Variants in GIGYF2 observed in about 807,000 individuals in gnomAD.
GIGYF2 encodes the protein GRB10 interacting GYF protein 2.
GIGYF2 carries 25 observed loss-of-function variants against 208.1 expected under a neutral mutation model. The observed-to-expected ratio is 0.12, with a 90% confidence interval of 0.09 to 0.17. The LOEUF (loss-of-function observed/expected upper bound fraction) is 0.17, where lower values mean the gene tolerates loss of function less well. Among genes scored for constraint, GIGYF2 ranks in the 10% least tolerant of loss-of-function variants. The probability of loss-of-function intolerance (pLI) is 1.00; values close to 1 mark genes in which losing one functional copy is unlikely to be tolerated. For synonymous variants in GIGYF2, 534 were observed against 543.8 expected, an observed-to-expected ratio of 0.98 and a Z score of 0.25; for missense variants, 1,302 against 1,579.4, an observed-to-expected ratio of 0.82 and a Z score of 2.98.
In GIGYF2 at chr2:232,858,738, G is replaced by A; in HGVS notation, c.*1878G>A. ...CACCCAAGACATGGAGGCAGCCATGGCTTCTTTCTCTGCCAGACCACGTAG... is the reference window on the plus strand; with the variant it reads ...CACCCAAGACATGGAGGCAGCCATGACTTCTTTCTCTGCCAGACCACGTAG... On this transcript the variant is annotated 3_prime_UTR_variant, in exon 29 of 29. Transcript: ENST00000373563. 2 of 354,130 alleles carry A rather than the reference G, an allele frequency of 5.6e-6. 1 individual carries two copies. Among genetic ancestry groups the A allele is most frequent in the South Asian group, 4.5e-5 (2 of 44,834 alleles). The allele number at this position is 354,130 out of a possible 1,614,324, so 21.9% of individuals were successfully genotyped here.
rs142295238 is a variant in GIGYF2, at chr2:232,838,813, C to T, written c.2767-1036C>T. On this transcript the variant is annotated intron_variant, in intron 22 of 28. Coordinates refer to ENST00000373563, the MANE Select transcript of GIGYF2 (RefSeq NM_001103146.3). ...AGTCTTTGTTAACTTCCCTCTGCAC[C>T]CCTCCCCCACCCCAGGGCAGGTGCA... Among the ~76,000 whole-genome samples the T allele has an allele frequency of 2.5e-4, 38 of 152,082 alleles. 1 individual carries two copies. The East Asian group carries it at 6.6e-3, about 26-fold the overall frequency.
intron 2 of GIGYF2, among the ~76,000 whole-genome samples, chr2:232,704,401 TTTTG>T (rs1018372990): frequency 3.9e-5 from 6 of 152,126 alleles, no homozygotes; most frequent in South Asian, 2.1e-4. Context: ...TAGTGCTGTT[TTTTG>T]TTTGTTTGTT....
intron 21 of GIGYF2, among the ~76,000 whole-genome samples, chr2:232,820,958 G>A (rs1387127184): frequency 1.3e-5 from 2 of 151,836 alleles, no homozygotes; most frequent in African/African-American, 4.8e-5. Context: ...AGCCTCCCAA[G>A]TACCTGGGAC....
chr2:232,838,712 G>A (rs1244037940), intron 22 of GIGYF2, among the ~76,000 whole-genome samples: 1 of 152,064 alleles, frequency 6.6e-6, no homozygotes, highest in Non-Finnish European at 1.5e-5. Flanking sequence ...TCTTGATAGT[G>A]CCTTCAAATG....
intron 22 of GIGYF2, among the ~76,000 whole-genome samples, chr2:232,836,791 C>T (rs752623800): frequency 6.6e-6 from 1 of 152,014 alleles, no homozygotes; most frequent in Admixed American, 6.6e-5. Context: ...CTCCTAATTG[C>T]CTTTTATCCC....
chr2:232,836,399 A>ATATAT lies in GIGYF2; in HGVS notation c.2766+3306_2766+3307insTATAT, dbSNP rs1574940628. ...ATAAATATAAATATATATAAATATA[A>ATATAT]ATATATATATAAATAAATTATTCAG... On this transcript the variant is annotated intron_variant, in intron 22 of 28. Transcript: ENST00000373563. 6.3e-5 allele frequency among the ~76,000 whole-genome samples: 3 copies of ATATAT among 47,782 alleles called. 1 individual carries two copies. The highest frequency in any genetic ancestry group is 1.1e-4 in the African/African-American group (1 of 9,414). The allele number at this position is 47,782 out of a possible 152,430, so 31.3% of individuals were successfully genotyped here.
At chr2:232,768,800 C>G in intron 8 of GIGYF2, 2 of 1,604,236 alleles carry the variant, frequency 1.2e-6, no homozygotes, top group Non-Finnish European at 8.5e-7. Context: ...GGGCAATCTT[C>G]GCCACAAAAG....
At chr2:232,708,020 G>A (rs1044226060) in intron 2 of GIGYF2, among the ~76,000 whole-genome samples, 3 of 151,824 alleles carry the variant, frequency 2.0e-5, no homozygotes, top group African/African-American at 7.3e-5. Flanking sequence ...GCAGTGCAGT[G>A]GTGTAGTCAC....
At chr2:232,707,676 C>G (rs1187429999) in intron 2 of GIGYF2, among the ~76,000 whole-genome samples, 1 of 138,934 alleles carries the variant, frequency 7.2e-6, no homozygotes, top group Non-Finnish European at 1.5e-5. Context: ...TTCGCTCTTT[C>G]ATCCAGGCTG....
chr2:232,721,037 T>C (rs911962155), intron 2 of GIGYF2, among the ~76,000 whole-genome samples: 1 of 152,136 alleles, frequency 6.6e-6, no homozygotes, highest in African/African-American at 2.4e-5. Flanking sequence ...TCTGTCAGAG[T>C]TGCTTTCAGC....
intron 21 of GIGYF2, among the ~76,000 whole-genome samples, chr2:232,826,031 A>G (rs893382113): frequency 1.3e-5 from 2 of 152,176 alleles, no homozygotes; most frequent in African/African-American, 4.8e-5. Context: ...AAAGGACATG[A>G]ACTCATCCTT....
intron 8 of GIGYF2, chr2:232,768,364 T>G: frequency 6.2e-7 from 1 of 1,614,098 alleles, no homozygotes; most frequent in Non-Finnish European, 8.5e-7. Context: ...GAACCTCGGG[T>G]CAACAGAGAT....
intron 21 of GIGYF2, among the ~76,000 whole-genome samples, chr2:232,822,336 T>TC (rs1701111404): frequency 6.6e-6 from 1 of 152,228 alleles, no homozygotes; most frequent in Non-Finnish European, 1.5e-5. Context: ...ATGTACATCT[T>TC]TAAAAAACTG....
At chr2:232,843,181 G>GTATA (rs369715529) in intron 23 of GIGYF2, 1 of 146,390 alleles carries the variant, frequency 6.8e-6, no homozygotes, top group African/African-American at 2.5e-5. Flanking sequence ...GTGTGTGTGT[G>GTATA]TATAATCTGT....
chr2:232,768,190 C>A, intron 8 of GIGYF2: 1 of 1,613,958 alleles, frequency 6.2e-7, no homozygotes, highest in South Asian at 1.1e-5. Context: ...ATGGATAAGT[C>A]TTATTCTGTC....
chr2:232,703,847 C>CT (rs903654456), intron 2 of GIGYF2, among the ~76,000 whole-genome samples: 16 of 152,296 alleles, frequency 1.1e-4, no homozygotes, highest in African/African-American at 3.8e-4. Flanking sequence ...GTAGATAGCA[C>CT]TTTTTTACCA....
intron 19 of GIGYF2, 182 bp downstream of exon 19, chr2:232,815,919 A>G (rs1392897495): frequency 5.1e-6 from 3 of 591,614 alleles, no homozygotes; most frequent in Non-Finnish European, 6.0e-6. Flanking sequence ...AAAAAAACTC[A>G]AAACAGAATT....
chr2:232,847,439 C>T lies in GIGYF2; in HGVS notation c.3552C>T (p.Ala1184=), dbSNP rs1316802555. The T allele has an allele frequency of 6.2e-7, 1 of 1,613,756 alleles. No individual in the cohort carries two copies. The highest frequency in any genetic ancestry group is 8.5e-7 in the Non-Finnish European group (1 of 1,179,976). ...CCTATTTAGGAGATACTTCTGAGGC[C>T]AAGGAGTTTGCCAAGCAGTTCCTTG... ...IRAYLGDTSE[A]KEFAKQFLER... is the part of the protein sequence containing the mutation. The change falls in exon 27 of 29, where the codon GCC becomes GCT. Residue 1184 remains alanine (A), a synonymous_variant. Transcript: ENST00000373563.
At chr2:232,732,416 T>C (rs1239427683) in intron 2 of GIGYF2, among the ~76,000 whole-genome samples, 1 of 152,176 alleles carries the variant, frequency 6.6e-6, no homozygotes, top group Non-Finnish European at 1.5e-5. Flanking sequence ...CTGTATTTGC[T>C]TCTTTTCTGT....
Sources: gnomAD v4.1 joint callset for allele counts (sites outside exome capture counted in the v4.1 genomes callset) on GRCh38, gnomAD v4.1.1 for gene constraint, MANE v1.5 for transcripts, NCBI Gene and HGNC (gene_info 2026-07-23, HGNC 2026-07-21) for gene names.